The following OSBPL9 variants were observed in gnomAD, a reference collection of about 807,000 sequenced individuals.
OSBPL9 encodes the protein oxysterol binding protein like 9, also known as oxysterol-binding protein-related protein 9.
Under a neutral mutation model 106.6 loss-of-function variants are expected in OSBPL9, and 40 were observed. The observed-to-expected ratio is 0.38, with a 90% CI of 0.29 to 0.49. OSBPL9 has a LOEUF of 0.49. Among genes scored for constraint, OSBPL9 ranks in the 20% least tolerant of loss-of-function variants. OSBPL9 has a pLI of 0.97. For missense variants in OSBPL9, 609 were observed against 887.2 expected (o/e 0.69, Z 3.98); for synonymous variants, 269 against 295.4 (o/e 0.91, Z 0.92).
At chr1:51,698,874 T>C (rs1656649966) in intron 3 of OSBPL9, among the ~76,000 whole-genome samples, 2 of 152,200 alleles carry the variant, frequency 1.3e-5, no homozygotes, top group Admixed American at 1.3e-4. Context: ...TTTTTATTTC[T>C]CATATGAACA....
chr1:51,643,809 G>A (rs1485411858), intron 1 of OSBPL9, among the ~76,000 whole-genome samples: 7 of 152,112 alleles, frequency 4.6e-5, no homozygotes, highest in East Asian at 1.9e-4. Context: ...GGCTGGGTAC[G>A]GTGGCTCACT....
At chr1:51,666,507 T>A (rs1463853580) in intron 2 of OSBPL9, among the ~76,000 whole-genome samples, 1 of 152,262 alleles carries the variant, frequency 6.6e-6, no homozygotes. Flanking sequence ...TAGCCACTTG[T>A]TGCTAGTGAC....
intron 2 of OSBPL9, among the ~76,000 whole-genome samples, chr1:51,662,990 C>T (rs775163871): frequency 2.0e-4 from 31 of 151,996 alleles, no homozygotes; most frequent in Admixed American, 1.0e-3. Context: ...ATGATCTGCC[C>T]GCCTTGGCCT....
intron 1 of OSBPL9, among the ~76,000 whole-genome samples, chr1:51,631,358 TAGTG>T (rs926720366): frequency 3.9e-5 from 6 of 151,982 alleles, no homozygotes; most frequent in African/African-American, 9.7e-5. Context: ...CTGGGCAACA[TAGTG>T]AGACCCCATC....
At position 51,663,923 on chromosome 1, in the gene OSBPL9, T is replaced by C. The variant is rs550940316; in HGVS notation, c.163-5511T>C. On this transcript the variant is annotated intron_variant, in intron 2 of 23. Transcript: ENST00000428468. ...TGTCAGTTATTAGGGAAGTGGAAGTTAAAACCATGATGAGATGTCACTACT... is the reference window on the plus strand; with the variant it reads ...TGTCAGTTATTAGGGAAGTGGAAGTCAAAACCATGATGAGATGTCACTACT... Among the ~76,000 whole-genome samples the C allele has an allele frequency of 2.8e-4, 43 of 152,300 alleles. 1 individual carries two copies. In the South Asian group the frequency reaches 3.5e-3, roughly 12 times the overall value.
intron 1 of OSBPL9, among the ~76,000 whole-genome samples, chr1:51,650,611 T>A (rs1646456057): frequency 6.6e-6 from 1 of 152,178 alleles, no homozygotes. Flanking sequence ...GGTAATCACT[T>A]CTGAACATGA....
chr1:51,689,391 C>T lies in OSBPL9; in HGVS notation c.241+19879C>T, dbSNP rs558488990. 9.2e-5 allele frequency among the ~76,000 whole-genome samples: 14 copies of T among 152,118 alleles called. No homozygotes were observed. In the South Asian group the frequency reaches 2.9e-3, roughly 31 times the overall value. ...TTCTTTCTTTCCTTTCATTGACTTA[C>T]TCAAAAGTTGAATGATGTGTAATAT... On this transcript the variant is annotated intron_variant, in intron 3 of 23. Coordinates refer to ENST00000428468, the MANE Select transcript of OSBPL9 (RefSeq NM_024586.6).
chr1:51,700,125 C>G (rs1656924635), intron 3 of OSBPL9, among the ~76,000 whole-genome samples: 2 of 152,238 alleles, frequency 1.3e-5, no homozygotes, highest in Non-Finnish European at 2.9e-5. Flanking sequence ...CACCATCACT[C>G]CATTCAGCCT....
intron 8 of OSBPL9, among the ~76,000 whole-genome samples, chr1:51,755,564 G>A (rs964763782): frequency 7.2e-5 from 11 of 152,198 alleles, no homozygotes; most frequent in Non-Finnish European, 1.2e-4. Flanking sequence ...ATACTGGGCA[G>A]TGGCAGCAAG....
In OSBPL9 at chr1:51,737,145, G is replaced by A. The variant is rs1417623513; in HGVS notation, c.319-8391G>A. Among the ~76,000 whole-genome samples, 3 of 151,800 alleles carry A rather than the reference G, an allele frequency of 2.0e-5. No individual in the cohort carries two copies. The East Asian group carries it at 5.8e-4, about 29-fold the overall frequency. On this transcript the variant is annotated intron_variant, in intron 4 of 23. Transcript: ENST00000428468. ...GAAGTTTTAAGTGCTTTTTGCTAGTGCGTGCTTTACCTTTAAATGATATTA... is the reference window on the plus strand; with the variant it reads ...GAAGTTTTAAGTGCTTTTTGCTAGTACGTGCTTTACCTTTAAATGATATTA...
chr1:51,761,191 A>G (rs918119564), intron 10 of OSBPL9, among the ~76,000 whole-genome samples: 1 of 152,034 alleles, frequency 6.6e-6, no homozygotes, highest in Non-Finnish European at 1.5e-5. Context: ...ATTTTAAGAT[A>G]ATGAGAAAGT....
chr1:51,593,079 C>T (rs542424569), intron 1 of OSBPL9, among the ~76,000 whole-genome samples: 24 of 152,132 alleles, frequency 1.6e-4, no homozygotes, highest in Non-Finnish European at 3.1e-4. Flanking sequence ...CTTTTTGCAT[C>T]CCACTTTTCA....
intron 1 of OSBPL9, among the ~76,000 whole-genome samples, chr1:51,637,462 A>G (rs1331438065): frequency 1.3e-5 from 2 of 152,236 alleles, no homozygotes; most frequent in Non-Finnish European, 2.9e-5. Flanking sequence ...AACAAGAGTG[A>G]AACTCTGTCT....
At chr1:51,533,485 C>CA in the OSBPL9 span, among the ~76,000 whole-genome samples, 1,758 of 53,876 alleles carry the variant, frequency 0.033, 17 homozygotes, top group African/African-American at 0.041. Flanking sequence ...GACTCTGTCT[C>CA]AAAAAAAAAA....
At chr1:51,767,952 T>TTTTC in intron 12 of OSBPL9, among the ~76,000 whole-genome samples, 1 of 140,298 alleles carries the variant, frequency 7.1e-6, no homozygotes, top group African/African-American at 2.7e-5. Flanking sequence ...TTTTTTTTTT[T>TTTTC]TTTTTTTTTT....
At chr1:51,556,145 G>A in the OSBPL9 span, among the ~76,000 whole-genome samples, 1 of 152,010 alleles carries the variant, frequency 6.6e-6, no homozygotes, top group Non-Finnish European at 1.5e-5. Flanking sequence ...ATAACTCCCT[G>A]ACAGTAATTT....
At chr1:51,643,288 C>T (rs1234150370) in intron 1 of OSBPL9, among the ~76,000 whole-genome samples, 1 of 152,076 alleles carries the variant, frequency 6.6e-6, no homozygotes, top group Non-Finnish European at 1.5e-5. Flanking sequence ...TTTTATTTTC[C>T]CACAGTATTA....
At chr1:51,607,159 T>TTTC (rs1491489496) in intron 2 of OSBPL9, among the ~76,000 whole-genome samples, 1 of 146,780 alleles carries the variant, frequency 6.8e-6, no homozygotes, top group African/African-American at 2.6e-5. Flanking sequence ...TTTTCTTTTC[T>TTTC]TTTTCTTTTT....
chr1:51,643,126 G>A (rs905970780), intron 1 of OSBPL9, among the ~76,000 whole-genome samples: 8 of 152,056 alleles, frequency 5.3e-5, no homozygotes, highest in African/African-American at 1.9e-4. Context: ...TTGCTTTTAC[G>A]ACAAAGTCAC....
Sources: gnomAD v4.1 joint callset for allele counts (sites outside exome capture counted in the v4.1 genomes callset) on GRCh38, gnomAD v4.1.1 for gene constraint, MANE v1.5 for transcripts, NCBI Gene and HGNC (gene_info 2026-07-23, HGNC 2026-07-21) for gene names.